The following TUSC3 variants were observed in gnomAD, a reference collection of about 807,000 sequenced individuals.
TUSC3 encodes dolichyl-diphosphooligosaccharide--protein glycosyltransferase subunit TUSC3.
TUSC3 carries 45 observed loss-of-function variants against 44.8 expected under a neutral mutation model. The observed-to-expected ratio is 1.00, with a 90% CI of 0.79 to 1.29. The LOEUF (loss-of-function observed/expected upper bound fraction) is 1.29. Among genes scored for constraint, TUSC3 ranks in the 50% most tolerant of loss-of-function variants. The pLI, the probability that TUSC3 is intolerant of heterozygous loss-of-function variation, is 0.00. For synonymous variants in TUSC3, 212 were observed against 152.9 expected, an observed-to-expected ratio of 1.39 and a Z score of -2.85; for missense variants, 519 against 437.9, an observed-to-expected ratio of 1.19 and a Z score of -1.65.
At chr8:15,745,173 T>C (rs1811357439) in intron 8 of TUSC3, among the ~76,000 whole-genome samples, 1 of 152,136 alleles carries the variant, frequency 6.6e-6, no homozygotes, top group South Asian at 2.1e-4. Context: ...CACATTTTCT[T>C]TATCTAGTCC....
chr8:15,654,155 GT>G (rs1807043472), intron 3 of TUSC3, among the ~76,000 whole-genome samples: 1 of 152,162 alleles, frequency 6.6e-6, no homozygotes, highest in African/African-American at 2.4e-5. Context: ...AGAACATTAG[GT>G]CTTAGTATGG....
intron 1 of TUSC3, among the ~76,000 whole-genome samples, chr8:15,542,696 C>G (rs959977101): frequency 1.3e-5 from 2 of 152,044 alleles, no homozygotes; most frequent in African/African-American, 2.4e-5. Flanking sequence ...CAACATGTTT[C>G]TATTAAAATT....
chr8:15,451,569 T>G (rs532448621), intron 1 of TUSC3, among the ~76,000 whole-genome samples: 3 of 152,120 alleles, frequency 2.0e-5, no homozygotes, highest in African/African-American at 4.8e-5. Flanking sequence ...GCATAGAAGC[T>G]CCACACCCCT....
At chr8:15,542,992 A>G (rs1585085164) in intron 1 of TUSC3, among the ~76,000 whole-genome samples, 1 of 152,214 alleles carries the variant, frequency 6.6e-6, no homozygotes, top group Admixed American at 6.5e-5. Flanking sequence ...TCTGAAATAC[A>G]GGCCATTCCG....
At chr8:15,569,056 T>A (rs1346562006) in intron 1 of TUSC3, among the ~76,000 whole-genome samples, 2 of 152,148 alleles carry the variant, frequency 1.3e-5, no homozygotes. Context: ...TGCGGCTTGT[T>A]ATATATTAAA....
Position 15,648,194 on chromosome 8 carries a change from T to C in TUSC3, c.309-2503T>C, listed in dbSNP as rs1057202955. On this transcript the variant is annotated intron_variant, in intron 2 of 10. Coordinates refer to ENST00000503731, the MANE Select transcript of TUSC3 (RefSeq NM_006765.4). ...GTTGTTTTTGTTCTGTGAATTTTATTCGACTCTGTCTTCTAACATTGGTGT... is the reference window on the plus strand; with the variant it reads ...GTTGTTTTTGTTCTGTGAATTTTATCCGACTCTGTCTTCTAACATTGGTGT... Among the ~76,000 whole-genome samples the C allele has an allele frequency of 2.3e-4, 35 of 152,228 alleles. 1 individual carries two copies. The highest frequency in any genetic ancestry group is 6.5e-5 in the Admixed American group (1 of 15,288).
intron 2 of TUSC3, among the ~76,000 whole-genome samples, chr8:15,633,356 T>C (rs1805908726): frequency 6.6e-6 from 1 of 152,176 alleles, no homozygotes; most frequent in Non-Finnish European, 1.5e-5. Context: ...GCTGAAGTGG[T>C]ATTATTGATC....
chr8:15,674,586 A>G (rs942808358), intron 6 of TUSC3, among the ~76,000 whole-genome samples: 5 of 151,868 alleles, frequency 3.3e-5, no homozygotes, highest in Admixed American at 3.3e-4. Flanking sequence ...TCTCATAACT[A>G]TTCTTGTTTC....
intron 1 of TUSC3, among the ~76,000 whole-genome samples, chr8:15,617,974 A>G (rs1345361170): frequency 6.6e-6 from 1 of 152,228 alleles, no homozygotes; most frequent in East Asian, 1.9e-4. Flanking sequence ...ATAGTACTCT[A>G]CTAAATATTG....
chr8:15,776,824 A>G, the TUSC3 span, among the ~76,000 whole-genome samples: 1 of 152,152 alleles, frequency 6.6e-6, no homozygotes, highest in South Asian at 2.1e-4. Flanking sequence ...GATTCTATAA[A>G]AACTCTGTAA....
chr8:15,522,965 A>T (rs1026956796), intron 2 of TUSC3, among the ~76,000 whole-genome samples: 1 of 152,138 alleles, frequency 6.6e-6, no homozygotes, highest in South Asian at 2.1e-4. Context: ...ATTGAAAACC[A>T]ATGCGAAGAT....
At chr8:15,693,240 T>C (rs898099702) in intron 6 of TUSC3, among the ~76,000 whole-genome samples, 4 of 152,210 alleles carry the variant, frequency 2.6e-5, no homozygotes, top group African/African-American at 9.6e-5. Flanking sequence ...GTGTGGTTGC[T>C]TTACAGTGTC....
At chr8:15,849,342 G>T in the TUSC3 span, among the ~76,000 whole-genome samples, 1 of 152,096 alleles carries the variant, frequency 6.6e-6, no homozygotes, top group African/African-American at 2.4e-5. Flanking sequence ...TTACTTCCCA[G>T]TGGGGAGTTG....
intron 1 of TUSC3, among the ~76,000 whole-genome samples, chr8:15,472,822 G>C (rs1052710133): frequency 1.3e-5 from 2 of 152,132 alleles, no homozygotes; most frequent in Non-Finnish European, 2.9e-5. Context: ...CCATTAAATG[G>C]CAAATGCTTT....
intron 2 of TUSC3, among the ~76,000 whole-genome samples, chr8:15,504,964 T>G (rs952401101): frequency 4.6e-5 from 7 of 152,082 alleles, no homozygotes; most frequent in African/African-American, 4.8e-5. Flanking sequence ...AATTCATGTA[T>G]TTTCTATTTC....
At chr8:15,448,774 A>G (rs1800145969) in intron 1 of TUSC3, among the ~76,000 whole-genome samples, 1 of 152,210 alleles carries the variant, frequency 6.6e-6, no homozygotes, top group African/African-American at 2.4e-5. Context: ...AAAAAAGAGT[A>G]CTGCTAAAAT....
chr8:15,509,374 C>G (rs1801102121), intron 2 of TUSC3, among the ~76,000 whole-genome samples: 1 of 152,080 alleles, frequency 6.6e-6, no homozygotes, highest in Admixed American at 6.5e-5. Context: ...TTTGGGAGGC[C>G]AAGGCAGGCA....
chr8:15,801,568 A>G, the TUSC3 span, among the ~76,000 whole-genome samples: 1 of 152,120 alleles, frequency 6.6e-6, no homozygotes, highest in African/African-American at 2.4e-5. Context: ...TTTTTTCGTA[A>G]ATGTGATGGC....
chr8:15,716,341 G>T (rs1184916935), intron 6 of TUSC3, among the ~76,000 whole-genome samples: 1 of 152,000 alleles, frequency 6.6e-6, no homozygotes, highest in Non-Finnish European at 1.5e-5. Flanking sequence ...GGACAAATCT[G>T]AGGGATTTCG....
Sources: allele counts gnomAD v4.1 joint callset (sites outside exome capture counted in the v4.1 genomes callset), GRCh38; gene constraint gnomAD v4.1.1; transcripts MANE v1.5; gene names NCBI Gene and HGNC (gene_info 2026-07-23, HGNC 2026-07-21).